KCNQ5: variants seen among roughly 807,000 people sequenced by gnomAD.
KCNQ5 encodes the protein potassium voltage-gated channel subfamily KQT member 5.
KCNQ5 carries 30 observed loss-of-function variants against 98.2 expected under a neutral mutation model. That is an observed-to-expected ratio of 0.31 (90% CI 0.23 to 0.41). The LOEUF (loss-of-function observed/expected upper bound fraction) is 0.41, where lower values mean the gene tolerates loss of function less well. Ranked by LOEUF, KCNQ5 falls within the 10% of genes least tolerant of loss-of-function variation. KCNQ5 has a pLI of 1.00. For missense variants in KCNQ5, 835 were observed against 1,182.5 expected (o/e 0.71, Z 4.31); for synonymous variants, 458 against 449.4 (o/e 1.02, Z -0.24).
At chr6:72,799,873 G>T (rs1294307774) in intron 1 of KCNQ5, among the ~76,000 whole-genome samples, 3 of 152,146 alleles carry the variant, frequency 2.0e-5, no homozygotes, top group Admixed American at 2.0e-4. Context: ...TAGTGTAACA[G>T]AGAATTAAAT....
At chr6:72,878,552 G>A (rs1778514440) in intron 1 of KCNQ5, among the ~76,000 whole-genome samples, 1 of 152,062 alleles carries the variant, frequency 6.6e-6, no homozygotes, top group Non-Finnish European at 1.5e-5. Context: ...ACTCTTCAAG[G>A]AGTCCTGGCT....
chr6:73,027,439 T>C (rs1419981495), intron 2 of KCNQ5, among the ~76,000 whole-genome samples: 1 of 152,168 alleles, frequency 6.6e-6, no homozygotes, highest in African/African-American at 2.4e-5. Flanking sequence ...TTGGGAAACA[T>C]TTAAGATGAT....
intron 1 of KCNQ5, among the ~76,000 whole-genome samples, chr6:72,740,913 G>A (rs183904618): frequency 7.9e-5 from 12 of 152,206 alleles, no homozygotes; most frequent in Non-Finnish European, 8.8e-5. Context: ...CTTTTGGGAG[G>A]GAGACCTAGG....
At chr6:73,004,508 A>C (rs1368872311) in intron 2 of KCNQ5, among the ~76,000 whole-genome samples, 1 of 152,238 alleles carries the variant, frequency 6.6e-6, no homozygotes, top group Non-Finnish European at 1.5e-5. Flanking sequence ...CTGCTAATGC[A>C]GTTACCTGGT....
intron 1 of KCNQ5, among the ~76,000 whole-genome samples, chr6:72,773,318 C>A (rs541951426): frequency 4.6e-5 from 7 of 152,296 alleles, no homozygotes; most frequent in African/African-American, 1.7e-4. Context: ...AGGATGAGTT[C>A]ATGTCCTGTG....
chr6:73,081,469 T>C (rs1773765333), intron 5 of KCNQ5, among the ~76,000 whole-genome samples: 1 of 152,214 alleles, frequency 6.6e-6, no homozygotes, highest in Admixed American at 6.5e-5. Context: ...CTCTTTTTGA[T>C]CTGCTTTAGA....
At chr6:72,886,536 A>G (rs1239225070) in intron 1 of KCNQ5, among the ~76,000 whole-genome samples, 2 of 152,192 alleles carry the variant, frequency 1.3e-5, no homozygotes, top group East Asian at 3.8e-4. Flanking sequence ...ATGATTATTA[A>G]GAAATTTCCA....
At chr6:72,883,013 A>G (rs1199739580) in intron 1 of KCNQ5, among the ~76,000 whole-genome samples, 2 of 152,212 alleles carry the variant, frequency 1.3e-5, no homozygotes, top group African/African-American at 4.8e-5. Context: ...TGACTCACGC[A>G]TGTGTTGGTC....
At chr6:72,915,925 T>C (rs1443137408) in intron 1 of KCNQ5, among the ~76,000 whole-genome samples, 1 of 152,168 alleles carries the variant, frequency 6.6e-6, no homozygotes, top group Non-Finnish European at 1.5e-5. Context: ...AAAATCATAA[T>C]CAGTACCAAA....
At chr6:73,158,331 G>C (rs1777466364) in intron 10 of KCNQ5, among the ~76,000 whole-genome samples, 1 of 150,078 alleles carries the variant, frequency 6.7e-6, no homozygotes, top group Admixed American at 6.6e-5. Context: ...GCAATGGCGC[G>C]ATCTCGGCTC....
chr6:73,170,951 TA>T (rs1043487314), intron 11 of KCNQ5, among the ~76,000 whole-genome samples: 1 of 151,984 alleles, frequency 6.6e-6, no homozygotes, highest in Non-Finnish European at 1.5e-5. Context: ...TAAAATAAAA[TA>T]AAATAAAATA....
chr6:72,912,738 A>G (rs1779990647), intron 1 of KCNQ5, among the ~76,000 whole-genome samples: 1 of 152,236 alleles, frequency 6.6e-6, no homozygotes, highest in African/African-American at 2.4e-5. Context: ...GTTGTATCAA[A>G]TAAAAAAGTT....
intron 1 of KCNQ5, among the ~76,000 whole-genome samples, chr6:72,639,954 A>T (rs931397487): frequency 6.6e-6 from 1 of 151,370 alleles, no homozygotes; most frequent in Non-Finnish European, 1.5e-5. Context: ...TAGGTTGGTT[A>T]AAAAAAAAGT....
At chr6:72,732,008 G>A (rs1040145396) in intron 1 of KCNQ5, among the ~76,000 whole-genome samples, 1 of 152,190 alleles carries the variant, frequency 6.6e-6, no homozygotes, top group Non-Finnish European at 1.5e-5. Context: ...CTTTGATTTT[G>A]TAGTTTTTGA....
At chr6:73,117,664 T>G (rs1775562728) in intron 7 of KCNQ5, among the ~76,000 whole-genome samples, 1 of 152,208 alleles carries the variant, frequency 6.6e-6, no homozygotes, top group African/African-American at 2.4e-5. Flanking sequence ...TTGCTTTCAA[T>G]GTATCAAAAA....
chr6:73,137,653 T>C (rs1776525167), intron 10 of KCNQ5, among the ~76,000 whole-genome samples: 1 of 152,172 alleles, frequency 6.6e-6, no homozygotes, highest in South Asian at 2.1e-4. Context: ...TTATTTTATT[T>C]AATTCTGTCA....
At chr6:73,081,193 A>G (rs1012571218) in intron 5 of KCNQ5, among the ~76,000 whole-genome samples, 8 of 152,202 alleles carry the variant, frequency 5.3e-5, no homozygotes, top group African/African-American at 1.9e-4. Context: ...TGTGATGAAA[A>G]GATGTCCTGG....
intron 1 of KCNQ5, among the ~76,000 whole-genome samples, chr6:72,795,550 A>G (rs1172393761): frequency 6.6e-6 from 1 of 152,222 alleles, no homozygotes; most frequent in East Asian, 1.9e-4. Flanking sequence ...TTATCAATTT[A>G]AATATCTTTT....
chr6:72,729,937 G>A (rs1770475047), intron 1 of KCNQ5, among the ~76,000 whole-genome samples: 1 of 152,146 alleles, frequency 6.6e-6, no homozygotes, highest in East Asian at 1.9e-4. Context: ...GAGGTGGGAG[G>A]AACCTTTGAG....
Sources: allele counts gnomAD v4.1 joint callset (sites outside exome capture counted in the v4.1 genomes callset), GRCh38; gene constraint gnomAD v4.1.1; transcripts MANE v1.5; gene names NCBI Gene and HGNC (gene_info 2026-07-23, HGNC 2026-07-21).